Variants in BIRC6 observed in about 807,000 individuals in gnomAD.
BIRC6 encodes the protein baculoviral IAP repeat containing 6, also known as dual E2 ubiquitin-conjugating enzyme/E3 ubiquitin-protein ligase BIRC6.
Under a neutral mutation model 503.3 loss-of-function variants are expected in BIRC6, and 98 were observed. The ratio of observed to expected loss-of-function variants is 0.19; its 90% CI spans 0.17 to 0.23. The LOEUF is 0.23. Among genes scored for constraint, BIRC6 ranks in the 10% least tolerant of loss-of-function variants. BIRC6 has a pLI of 1.00. For synonymous variants in BIRC6, 2,240 were observed against 2,078.7 expected (o/e 1.08, Z -2.11); for missense variants, 5,360 against 5,806.0 (o/e 0.92, Z 2.50).
Position 32,529,718 on chromosome 2 carries a change from T to G in BIRC6, c.11988T>G (p.Pro3996=). The G allele has an allele frequency of 6.2e-7, 1 of 1,613,678 alleles. No individual in the cohort carries two copies. Among genetic ancestry groups the G allele is most frequent in the Non-Finnish European group, 8.5e-7 (1 of 1,179,738 alleles). The change falls in exon 60 of 74, where the codon CCT becomes CCG. Residue 3996 remains proline, a synonymous_variant. Coordinates refer to ENST00000421745, the MANE Select transcript of BIRC6 (RefSeq NM_016252.4). ...CTCTCCTATATGACCGAAAACTTCCTCAGGGTTACCGCTCAATAGATCTGA... is the reference window on the plus strand; with the variant it reads ...CTCTCCTATATGACCGAAAACTTCCGCAGGGTTACCGCTCAATAGATCTGA... The part of the protein sequence containing the change: ...LLTLLYDRKL[P]QGYRSIDLTV...
At chr2:32,601,649 G>A (rs2062067972) in intron 70 of BIRC6, among the ~76,000 whole-genome samples, 1 of 152,080 alleles carries the variant, frequency 6.6e-6, no homozygotes, top group South Asian at 2.1e-4. Flanking sequence ...ATTATTAAAA[G>A]TGTACAAAAT....
intron 61 of BIRC6, among the ~76,000 whole-genome samples, chr2:32,531,839 TTAAG>T (rs2056785638): frequency 6.6e-6 from 1 of 152,162 alleles, no homozygotes; most frequent in Non-Finnish European, 1.5e-5. Context: ...CTATGCTGCT[TTAAG>T]TGTGATATTT....
chr2:32,442,035 G>T, intron 17 of BIRC6, 30 bp from the exon 18 acceptor site: 1 of 1,463,566 alleles, frequency 6.8e-7, no homozygotes, highest in Non-Finnish European at 9.1e-7. Flanking sequence ...GTTTTGTTTG[G>T]TAATGTGTTT....
chr2:32,539,153 G>T (rs1345094938), intron 61 of BIRC6, among the ~76,000 whole-genome samples: 2 of 152,090 alleles, frequency 1.3e-5, no homozygotes, highest in African/African-American at 4.8e-5. Flanking sequence ...TATTAATTCA[G>T]AATAAGTCAT....
At chr2:32,381,431 G>C (rs999968686) in intron 3 of BIRC6, among the ~76,000 whole-genome samples, 11 of 151,850 alleles carry the variant, frequency 7.2e-5, no homozygotes, top group Non-Finnish European at 1.5e-4. Flanking sequence ...GTAGAGACAG[G>C]GTTTCGCCAT....
In BIRC6 at chr2:32,478,703, G is replaced by T. The variant is rs574849273; in HGVS notation, c.7137G>T (p.Gln2379His). Residue 2379 changes from glutamine (Q) to histidine (H), a missense_variant, in exon 36 of 74, where the codon CAG (glutamine) becomes CAT (histidine). Transcript: ENST00000421745. The part of the protein sequence containing the change: ...IHLCEIVNEP[Q>H]LERLLLLLVG... The stretch of plus-strand genomic sequence containing the variant: ...TGTGTGAGATTGTGAACGAACCCCA[G>T]CTGGAAAGACTGCTGTTACTTTTGG... The T allele has an allele frequency of 6.8e-6, 11 of 1,613,938 alleles. No homozygotes were observed. The highest frequency in any genetic ancestry group is 8.5e-6 in the Non-Finnish European group (10 of 1,179,864).
chr2:32,468,828 A>G (rs749049495), intron 29 of BIRC6, 45 bp downstream of exon 29: 2 of 1,395,176 alleles, frequency 1.4e-6, no homozygotes, highest in African/African-American at 1.4e-5. Context: ...AATATACTTG[A>G]TGTGATTTCG....
intron 71 of BIRC6, among the ~76,000 whole-genome samples, chr2:32,603,590 C>T (rs150361826): frequency 4.3e-4 from 65 of 152,070 alleles, no homozygotes; most frequent in African/African-American, 1.4e-3. Flanking sequence ...CGAGGTGGTG[C>T]GTGCCTATAA....
Position 32,357,190 on chromosome 2 carries a change from C to T in BIRC6, c.29C>T (p.Pro10Leu). 6.5e-7 allele frequency: 1 copy of T among 1,539,838 alleles called. No individual in the cohort carries two copies. Among genetic ancestry groups the T allele is most frequent in the Non-Finnish European group, 8.7e-7 (1 of 1,150,338 alleles). The part of the protein sequence containing the change: MVTGGGAAP[P>L]GTVTEPLPSV... ...GTGACTGGTGGTGGTGCTGCACCTCCCGGGACTGTCACTGAGCCGCTTCCC... is the reference window on the plus strand; with the variant it reads ...GTGACTGGTGGTGGTGCTGCACCTCTCGGGACTGTCACTGAGCCGCTTCCC... The change falls in exon 1 of 74, where the codon CCC becomes CTC. Residue 10 changes from proline (P) to leucine (L), a missense_variant. By Grantham distance (98) the Pro-to-Leu change is moderately conservative (BLOSUM62 -3). Around this residue, in one of 16 missense-constraint regions of BIRC6, gnomAD observed 145 missense variants for 106.9 expected, o/e 1.36. Transcript: ENST00000421745. The surrounding 1 kb of genome is among the most constrained non-coding windows in gnomAD (Gnocchi z 4.9).
rs184613003 is a variant in BIRC6, at chr2:32,553,426, C to T, written c.13144+3945C>T. On this transcript the variant is annotated intron_variant, in intron 65 of 73. Transcript: ENST00000421745. Reference sequence around the variant, plus strand: ...TTTTTGAGACAGAGTCTCATTCTGTCGCCCAGGCTGGAGTGCAGTGATATG... The same window carrying T: ...TTTTTGAGACAGAGTCTCATTCTGTTGCCCAGGCTGGAGTGCAGTGATATG... Among the ~76,000 whole-genome samples the T allele has an allele frequency of 4.0e-5, 6 of 151,574 alleles. No homozygotes were observed. The East Asian group carries it at 5.9e-4, about 15-fold the overall frequency.
chr2:32,510,669 C>G (rs751208394), intron 53 of BIRC6, 35 bp downstream of exon 53: 1 of 1,317,258 alleles, frequency 7.6e-7, no homozygotes, highest in Non-Finnish European at 1.1e-6. Flanking sequence ...TAAGCACACA[C>G]ATGCACATAA....
At chr2:32,571,840 C>T (rs926907653) in intron 65 of BIRC6, among the ~76,000 whole-genome samples, 1 of 152,122 alleles carries the variant, frequency 6.6e-6, no homozygotes, top group Admixed American at 6.6e-5. Context: ...TTGTTACCCA[C>T]TTTCTGATGC....
At chr2:32,596,542 C>T (rs1573273070) in intron 68 of BIRC6, among the ~76,000 whole-genome samples, 1 of 151,756 alleles carries the variant, frequency 6.6e-6, no homozygotes, top group African/African-American at 2.4e-5. Flanking sequence ...CAGAAAAAGC[C>T]ATAGTGCCTG....
At chr2:32,428,179 C>G (rs188123108) in intron 10 of BIRC6, among the ~76,000 whole-genome samples, 1 of 152,306 alleles carries the variant, frequency 6.6e-6, no homozygotes, top group East Asian at 1.9e-4. Context: ...GGCATAGAGG[C>G]TTAGTTGACT....
intron 65 of BIRC6, among the ~76,000 whole-genome samples, chr2:32,559,720 T>TA (rs371576069): frequency 0.018 from 2,479 of 138,002 alleles, 17 homozygotes; most frequent in Middle Eastern, 0.044. Flanking sequence ...TCAAAATCTT[T>TA]AAAAAAAAAA....
intron 65 of BIRC6, among the ~76,000 whole-genome samples, chr2:32,572,795 T>C (rs1226575565): frequency 2.0e-5 from 3 of 152,196 alleles, no homozygotes; most frequent in Non-Finnish European, 4.4e-5. Context: ...GCATCATCAC[T>C]GGAAGGTGTA....
chr2:32,414,997 C>G lies in BIRC6; in HGVS notation c.1706C>G (p.Ala569Gly), dbSNP rs1420801415. The G allele has an allele frequency of 1.2e-6, 2 of 1,613,754 alleles. No homozygotes were observed. Among genetic ancestry groups the G allele is most frequent in the East Asian group, 4.5e-5 (2 of 44,882 alleles). Residue 569 changes from alanine to glycine, a missense_variant, in exon 10 of 74, where the codon GCT (alanine) becomes GGT (glycine). Coordinates refer to ENST00000421745, the MANE Select transcript of BIRC6 (RefSeq NM_016252.4). ...QHNIPFPCLL[A>G]GGLLTYKSPA... Reference sequence around the variant, plus strand: ...AACATTCCTTTTCCATGTTTATTAGCTGGAGGTTTATTAACATATAAATCT... The same window carrying G: ...AACATTCCTTTTCCATGTTTATTAGGTGGAGGTTTATTAACATATAAATCT...
intron 3 of BIRC6, among the ~76,000 whole-genome samples, chr2:32,381,780 G>A (rs2037697840): frequency 6.6e-6 from 1 of 151,968 alleles, no homozygotes; most frequent in South Asian, 2.1e-4. Context: ...TCTTAACCTC[G>A]TGATTCACCC....
At chr2:32,422,122 C>T (rs968882544) in intron 10 of BIRC6, among the ~76,000 whole-genome samples, 44 of 152,246 alleles carry the variant, frequency 2.9e-4, no homozygotes, top group African/African-American at 1.0e-3. Context: ...CTTATGGTTA[C>T]AGTTTGTATT....
Sources: gnomAD v4.1 joint callset for allele counts (sites outside exome capture counted in the v4.1 genomes callset) on GRCh38, gnomAD v4.1.1 for gene constraint, gnomAD v4.1.1 regional missense constraint, Gnocchi (gnomAD v3.1) non-coding constraint, MANE v1.5 for transcripts, NCBI Gene and HGNC (gene_info 2026-07-23, HGNC 2026-07-21) for gene names.